CCDC191: variants seen among roughly 807,000 people sequenced by gnomAD.
CCDC191 encodes the protein coiled-coil domain containing 191, also known as coiled-coil domain-containing protein 191.
In CCDC191, 99 loss-of-function variants were observed where a neutral mutation model predicts 114.0. The observed-to-expected ratio is 0.87, with a 90% CI of 0.74 to 1.03. CCDC191 has a LOEUF of 1.03. Among genes scored for constraint, CCDC191 ranks in the 50% least tolerant of loss-of-function variants. The pLI is 0.00. For synonymous variants in CCDC191, 351 were observed against 376.0 expected (o/e 0.93, Z 0.77); for missense variants, 973 against 1,087.0 (o/e 0.90, Z 1.47).
intron 11 of CCDC191, 180 bp from the exon 12 acceptor site, chr3:114,002,718 G>A (rs1043537080): frequency 1.6e-5 from 15 of 915,374 alleles, no homozygotes; most frequent in South Asian, 1.0e-4. Context: ...TACTCTACAG[G>A]TTAAAGACCT....
chr3:113,996,335 A>T, intron 13 of CCDC191, among the ~76,000 whole-genome samples: 1 of 152,118 alleles, frequency 6.6e-6, no homozygotes, highest in East Asian at 1.9e-4. Flanking sequence ...TAGGCTAGCC[A>T]GTTTTCCCAG....
At chr3:114,018,645 C>T (rs2076199419) in intron 8 of CCDC191, 33 bp downstream of exon 8, 2 of 1,539,014 alleles carry the variant, frequency 1.3e-6, no homozygotes, top group Non-Finnish European at 1.8e-6. Flanking sequence ...CCTAGATAAA[C>T]ATACTAGATT....
chr3:113,987,326 C>A (rs2075396666), intron 13 of CCDC191, among the ~76,000 whole-genome samples: 1 of 152,098 alleles, frequency 6.6e-6, no homozygotes, highest in African/African-American at 2.4e-5. Flanking sequence ...CTTAGCTCTA[C>A]ACAAAGAAAT....
At chr3:114,056,578 G>A (rs748496258), upstream of CCDC191, 5 of 1,598,602 alleles carry the variant, frequency 3.1e-6, no homozygotes. Context: ...AGGAAAGCAG[G>A]CATAGGACAC....
chr3:114,050,819 G>A (rs1258212179), intron 2 of CCDC191, among the ~76,000 whole-genome samples: 4 of 152,192 alleles, frequency 2.6e-5, no homozygotes, highest in South Asian at 2.1e-4. Context: ...GTAGGGAAAT[G>A]ATTTGATTAA....
rs773167106 is a variant in CCDC191 at position 113,978,931 on chromosome 3, G to A, written c.2387C>T (p.Ala796Val). ...TWFQRSQESLARKMAQADQFY... is the reference protein window; with the variant it reads ...TWFQRSQESLVRKMAQADQFY... ...TTGATCAGCCTGGGCCATCTTTCTA[G>A]CCAGACTTTCCTGACTACGCTGGAA... Residue 796 changes from alanine (A) to valine (V), a missense_variant, in exon 15 of 17, where the codon GCT becomes GTT. Coordinates refer to ENST00000295878, the MANE Select transcript of CCDC191 (RefSeq NM_020817.2). 1.7e-5 allele frequency: 27 copies of A among 1,614,022 alleles called. No homozygotes were observed. The Middle Eastern group carries it at 2.0e-3, about 118-fold the overall frequency.
chr3:114,047,256 A>T (rs2076642670), intron 2 of CCDC191: 1 of 353,530 alleles, frequency 2.8e-6, no homozygotes, highest in South Asian at 1.1e-4. Flanking sequence ...GAATGTTTTA[A>T]CTCAACAGCA....
rs764041543 is a variant in CCDC191 at position 113,978,285 on chromosome 3, A to G, written c.2507T>C (p.Phe836Ser). The G allele has an allele frequency of 2.0e-5, 33 of 1,613,930 alleles. No individual in the cohort carries two copies. Among genetic ancestry groups the G allele is most frequent in the Non-Finnish European group, 2.8e-5 (33 of 1,179,974 alleles). Residue 836 changes from phenylalanine to serine, a missense_variant, in exon 16 of 17, where the codon TTT becomes TCT. Coordinates refer to ENST00000295878, the MANE Select transcript of CCDC191 (RefSeq NM_020817.2). ...QEEVRKFCVH[F>S]LQKKIFRAWF... ...GGCCCTGAAAATCTTCTTTTGAAGA[A>G]AATGTACACAAAATTTTCTTACTTC...
At chr3:114,000,559 A>G (rs998718741) in intron 13 of CCDC191, among the ~76,000 whole-genome samples, 26 of 152,234 alleles carry the variant, frequency 1.7e-4, no homozygotes, top group Middle Eastern at 3.4e-3. Flanking sequence ...GACTAATACA[A>G]TTCTCCATTC....
At chr3:113,970,165 T>C (rs752705863) in intron 16 of CCDC191, among the ~76,000 whole-genome samples, 7 of 152,194 alleles carry the variant, frequency 4.6e-5, no homozygotes, top group African/African-American at 7.2e-5. Context: ...GGTGTATATA[T>C]TAATAAATGC....
chr3:113,971,197 T>A (rs1940789958), intron 16 of CCDC191, among the ~76,000 whole-genome samples: 1 of 152,208 alleles, frequency 6.6e-6, no homozygotes, highest in African/African-American at 2.4e-5. Flanking sequence ...GTAAAAGTGT[T>A]CCTATTTCTC....
chr3:114,046,193 A>G (rs73232541), intron 3 of CCDC191, among the ~76,000 whole-genome samples: 1 of 152,338 alleles, frequency 6.6e-6, no homozygotes, highest in Non-Finnish European at 1.5e-5. Flanking sequence ...CCAGAAGAGT[A>G]AATGCTTCTG....
At position 114,016,906 on chromosome 3, in the gene CCDC191, C is replaced by T. The variant is rs572922467; in HGVS notation, c.1163+1772G>A. On this transcript the variant is annotated intron_variant, in intron 8 of 16. Transcript: ENST00000295878. ...TCCCTTCTTTATCCAACAAATCCTG[C>T]CAGCTATTCCTTTCTGAGTAAGCTA... Among the ~76,000 whole-genome samples the T allele has an allele frequency of 5.3e-5, 8 of 152,242 alleles. No homozygotes were observed. In the East Asian group the frequency reaches 9.7e-4, roughly 18 times the overall value.
At chr3:114,028,528 G>A (rs1380190229) in intron 7 of CCDC191, among the ~76,000 whole-genome samples, 3 of 151,850 alleles carry the variant, frequency 2.0e-5, no homozygotes, top group South Asian at 2.1e-4. Context: ...CTCGTGATCC[G>A]CCCGCTTTGG....
chr3:114,006,175 G>A (rs1007945758), intron 9 of CCDC191: 1 of 644,142 alleles, frequency 1.6e-6, no homozygotes, highest in Non-Finnish European at 2.8e-6. Flanking sequence ...GTGGCCGGCT[G>A]TGGTGGCTCA....
intron 8 of CCDC191, among the ~76,000 whole-genome samples, chr3:114,015,307 G>C (rs924132720): frequency 1.3e-5 from 2 of 152,190 alleles, no homozygotes; most frequent in South Asian, 4.1e-4. Context: ...AAAGACTGTG[G>C]AGGTTAATAC....
At chr3:114,021,471 G>A (rs2076243137) in intron 7 of CCDC191, among the ~76,000 whole-genome samples, 1 of 151,972 alleles carries the variant, frequency 6.6e-6, no homozygotes, top group South Asian at 2.1e-4. Flanking sequence ...AAAAAAAAGT[G>A]TGAATCAAGA....
chr3:114,015,529 A>G (rs114144243), intron 8 of CCDC191, among the ~76,000 whole-genome samples: 127 of 152,266 alleles, frequency 8.3e-4, no homozygotes, highest in African/African-American at 3.0e-3. Context: ...TTTCTTCCCA[A>G]TTTTGTCTGG....
At chr3:114,034,811 G>A (rs1004182703) in intron 6 of CCDC191, 114 bp downstream of exon 6, 3 of 843,484 alleles carry the variant, frequency 3.6e-6, no homozygotes, top group African/African-American at 3.4e-5. Flanking sequence ...AATAGTGAGT[G>A]ATTTCTCTTC....
Sources: gnomAD v4.1 joint callset for allele counts (sites outside exome capture counted in the v4.1 genomes callset) on GRCh38, gnomAD v4.1.1 for gene constraint, MANE v1.5 for transcripts, NCBI Gene and HGNC (gene_info 2026-07-23, HGNC 2026-07-21) for gene names.